UBE2R2: variants seen among roughly 807,000 people sequenced by gnomAD.
UBE2R2 encodes ubiquitin-conjugating enzyme E2 R2.
A neutral mutation model predicts 27.8 loss-of-function variants in UBE2R2; 1 was observed. That is an observed-to-expected ratio of 0.04 (90% CI 0.01 to 0.17). The LOEUF is 0.17. Ranked by LOEUF, UBE2R2 falls within the 10% of genes least tolerant of loss-of-function variation. The pLI is 1.00. For synonymous variants in UBE2R2, 106 were observed against 113.3 expected (o/e 0.94, Z 0.41); for missense variants, 100 against 291.0 (o/e 0.34, Z 4.78).
At chr9:33,881,577 G>A (rs1029849094) in intron 1 of UBE2R2, among the ~76,000 whole-genome samples, 1 of 152,036 alleles carries the variant, frequency 6.6e-6, no homozygotes, top group African/African-American at 2.4e-5. Flanking sequence ...TGATTTCTCC[G>A]TCTTTCCTCA....
rs74326804 is a variant in UBE2R2 at position 33,833,651 on chromosome 9, T to C, written c.177+15717T>C. 9.5e-3 allele frequency among the ~76,000 whole-genome samples: 1,450 copies of C among 152,352 alleles called. 27 individuals carry two copies. The highest frequency in any genetic ancestry group is 0.033 in the African/African-American group (1,366 of 41,584). On this transcript the variant is annotated intron_variant, in intron 1 of 4. Coordinates refer to ENST00000263228, the MANE Select transcript of UBE2R2 (RefSeq NM_017811.4). ...TTTATTTTGATTGTGGTGAATCATA[T>C]AATTACCATTTTAACCATTTTTAAG...
At chr9:33,914,895 G>C (rs1404450482) in intron 4 of UBE2R2, among the ~76,000 whole-genome samples, 1 of 151,990 alleles carries the variant, frequency 6.6e-6, no homozygotes, top group Non-Finnish European at 1.5e-5. Flanking sequence ...CCAGGACTTT[G>C]GGAGGCCGAG....
At chr9:33,859,385 A>T (rs1369601932) in intron 1 of UBE2R2, among the ~76,000 whole-genome samples, 6 of 152,282 alleles carry the variant, frequency 3.9e-5, no homozygotes. Context: ...TCATTGCCCA[A>T]GTTTAGTTTG....
intron 1 of UBE2R2, among the ~76,000 whole-genome samples, chr9:33,824,424 C>A (rs916452559): frequency 1.4e-4 from 21 of 152,112 alleles, no homozygotes; most frequent in African/African-American, 4.8e-4. Context: ...ATCACGAGGT[C>A]AGGAGATGGA....
intron 1 of UBE2R2, among the ~76,000 whole-genome samples, chr9:33,825,904 A>T (rs1372888290): frequency 6.6e-6 from 1 of 152,084 alleles, no homozygotes; most frequent in Non-Finnish European, 1.5e-5. Flanking sequence ...CACTTTTGGG[A>T]GGCGGAGGTG....
intron 2 of UBE2R2, among the ~76,000 whole-genome samples, chr9:33,889,331 T>C (rs944412910): frequency 3.3e-5 from 5 of 152,202 alleles, no homozygotes; most frequent in Non-Finnish European, 4.4e-5. Context: ...GTTGCATCTT[T>C]ATGGGAGAAG....
chr9:33,857,627 A>G (rs1210914219), intron 1 of UBE2R2, among the ~76,000 whole-genome samples: 1 of 152,188 alleles, frequency 6.6e-6, no homozygotes, highest in African/African-American at 2.4e-5. Flanking sequence ...TTGACTTTTA[A>G]ATTTTAAATT....
At chr9:33,824,498 G>T (rs1170876898) in intron 1 of UBE2R2, among the ~76,000 whole-genome samples, 1 of 152,120 alleles carries the variant, frequency 6.6e-6, no homozygotes, top group Non-Finnish European at 1.5e-5. Context: ...AATTAGCCAG[G>T]CATGGTGGTA....
chr9:33,859,323 T>A (rs1263376456), intron 1 of UBE2R2, among the ~76,000 whole-genome samples: 1 of 152,220 alleles, frequency 6.6e-6, no homozygotes, highest in African/African-American at 2.4e-5. Flanking sequence ...CAGAAATTTA[T>A]GAAAACTAAG....
chr9:33,832,296 G>A (rs1470434915), intron 1 of UBE2R2, among the ~76,000 whole-genome samples: 2 of 132,962 alleles, frequency 1.5e-5, no homozygotes, highest in African/African-American at 2.8e-5. Context: ...CAACAAGAGC[G>A]AAAATCTATC....
At chr9:33,904,016 GT>G (rs541586613) in intron 3 of UBE2R2, among the ~76,000 whole-genome samples, 288 of 152,280 alleles carry the variant, frequency 1.9e-3, no homozygotes, top group African/African-American at 6.1e-3. Flanking sequence ...TTCGGGGGCT[GT>G]GGGATGTTTT....
At position 33,917,576 on chromosome 9, in the gene UBE2R2, C is replaced by G; in HGVS notation, c.*339C>G. On this transcript the variant is annotated 3_prime_UTR_variant, in exon 5 of 5. Transcript: ENST00000263228. ...AACACGTTTGGTCTGTTTTTAGATTCTTGAAGAATTCAATAGTCTTTCAAG... is the reference window on the plus strand; with the variant it reads ...AACACGTTTGGTCTGTTTTTAGATTGTTGAAGAATTCAATAGTCTTTCAAG... 2.1e-6 allele frequency: 1 copy of G among 467,832 alleles called. No homozygotes were observed. 29.0% of individuals were successfully genotyped at this position (467,832 alleles called of 1,614,324 possible).
chr9:33,860,753 A>G (rs2130766376), intron 1 of UBE2R2, among the ~76,000 whole-genome samples: 1 of 152,088 alleles, frequency 6.6e-6, no homozygotes, highest in South Asian at 2.1e-4. Flanking sequence ...AATTAAATAA[A>G]TATTGTGGGT....
intron 2 of UBE2R2, among the ~76,000 whole-genome samples, chr9:33,896,281 CTTT>C (rs141400502): frequency 0.079 from 11,939 of 151,950 alleles, 659 homozygotes; most frequent in Non-Finnish European, 0.12. Flanking sequence ...ACTCAGTTTC[CTTT>C]TTTTCTTTTC....
At chr9:33,841,895 T>G (rs1199209536) in intron 1 of UBE2R2, among the ~76,000 whole-genome samples, 1 of 152,194 alleles carries the variant, frequency 6.6e-6, no homozygotes, top group Non-Finnish European at 1.5e-5. Context: ...ATAAATTGTT[T>G]CATGTATGCT....
At chr9:33,831,369 A>C (rs979425748) in intron 1 of UBE2R2, among the ~76,000 whole-genome samples, 3 of 152,204 alleles carry the variant, frequency 2.0e-5, no homozygotes, top group African/African-American at 7.2e-5. Context: ...AGGCAAAACA[A>C]AAGAGTTTTG....
At chr9:33,847,114 T>A (rs1424430839) in intron 1 of UBE2R2, among the ~76,000 whole-genome samples, 1 of 152,074 alleles carries the variant, frequency 6.6e-6, no homozygotes, top group Non-Finnish European at 1.5e-5. Context: ...ATTTATTTAT[T>A]TGAGACAGAG....
At chr9:33,857,754 C>T (rs2130762632) in intron 1 of UBE2R2, among the ~76,000 whole-genome samples, 1 of 152,246 alleles carries the variant, frequency 6.6e-6, no homozygotes, top group African/African-American at 2.4e-5. Flanking sequence ...ATTAGACTGG[C>T]ATGGTTAACC....
At chr9:33,883,663 C>G (rs892352743) in intron 1 of UBE2R2, among the ~76,000 whole-genome samples, 2 of 143,462 alleles carry the variant, frequency 1.4e-5, no homozygotes, top group African/African-American at 2.6e-5. Flanking sequence ...TGCAGTGAGC[C>G]GAGATTGCAC....
Sources: gnomAD v4.1 joint callset for allele counts (sites outside exome capture counted in the v4.1 genomes callset) on GRCh38, gnomAD v4.1.1 for gene constraint, MANE v1.5 for transcripts, NCBI Gene and HGNC (gene_info 2026-07-23, HGNC 2026-07-21) for gene names.